The following KLRG1 variants were observed in gnomAD, a reference collection of about 807,000 sequenced individuals.
The protein encoded by KLRG1 is killer cell lectin like receptor G1.
KLRG1 carries 16 observed loss-of-function variants against 21.8 expected under a neutral mutation model. That is an observed-to-expected ratio of 0.73 (90% CI 0.50 to 1.11). KLRG1 has a LOEUF of 1.11. Among genes scored for constraint, KLRG1 ranks in the 50% most tolerant of loss-of-function variants. KLRG1 has a pLI of 0.00. For synonymous variants in KLRG1, 69 were observed against 75.9 expected, an observed-to-expected ratio of 0.91 and a Z score of 0.47; for missense variants, 173 against 218.3, an observed-to-expected ratio of 0.79 and a Z score of 1.31.
the KLRG1 span, among the ~76,000 whole-genome samples, chr12:9,209,458 G>T: frequency 3.3e-5 from 5 of 151,896 alleles, no homozygotes; most frequent in African/African-American, 1.2e-4. Flanking sequence ...CAAATATAGA[G>T]AGCAAGATAA....
intron 1 of KLRG1, among the ~76,000 whole-genome samples, chr12:8,965,307 A>G (rs1054194281): frequency 6.6e-6 from 1 of 152,160 alleles, no homozygotes; most frequent in Non-Finnish European, 1.5e-5. Flanking sequence ...CACCACTCCT[A>G]TTCAACATAG....
chr12:9,153,396 G>A, the KLRG1 span: 1 of 1,485,586 alleles, frequency 6.7e-7, no homozygotes, highest in South Asian at 1.2e-5. Context: ...TGGCATCTGG[G>A]ATTTTCCCCC....
the KLRG1 span, among the ~76,000 whole-genome samples, chr12:9,135,988 TA>T: frequency 6.6e-6 from 1 of 152,124 alleles, no homozygotes; most frequent in East Asian, 1.9e-4. Flanking sequence ...GGCAGCTCAA[TA>T]GGGGAGCTCA....
intron 3 of KLRG1, among the ~76,000 whole-genome samples, chr12:9,005,148 G>A (rs1947431047): frequency 6.7e-6 from 1 of 148,380 alleles, no homozygotes; most frequent in Admixed American, 6.9e-5. Flanking sequence ...AGTAGGAGTT[G>A]AACAATGAGA....
chr12:9,006,169 T>C (rs912461819), intron 3 of KLRG1, among the ~76,000 whole-genome samples: 4 of 152,256 alleles, frequency 2.6e-5, no homozygotes, highest in Admixed American at 6.5e-5. Context: ...ACACATTGCA[T>C]ACATGTTACG....
At chr12:9,107,704 C>T in the KLRG1 span, 1 of 1,585,958 alleles carries the variant, frequency 6.3e-7, no homozygotes, top group African/African-American at 1.4e-5. Flanking sequence ...CATTTTCTAG[C>T]TATTTATATC....
the KLRG1 span, among the ~76,000 whole-genome samples, chr12:9,142,581 T>G: frequency 6.6e-6 from 1 of 152,232 alleles, no homozygotes; most frequent in South Asian, 2.1e-4. Flanking sequence ...GCACTTATTT[T>G]TCTTAGGCCA....
chr12:8,968,967 A>G (rs1946524058), intron 1 of KLRG1, among the ~76,000 whole-genome samples: 1 of 152,256 alleles, frequency 6.6e-6, no homozygotes, highest in African/African-American at 2.4e-5. Context: ...GGAAATTCAT[A>G]GCATTAAAAT....
chr12:9,130,720 T>C, the KLRG1 span, among the ~76,000 whole-genome samples: 1 of 152,170 alleles, frequency 6.6e-6, no homozygotes, highest in Non-Finnish European at 1.5e-5. Context: ...ATATATTCTT[T>C]GTAAATTTTT....
the KLRG1 span, chr12:9,095,128 A>T: frequency 9.9e-7 from 1 of 1,012,680 alleles, no homozygotes; most frequent in Non-Finnish European, 1.4e-6. Context: ...TATATTATAA[A>T]ATATACATAG....
intron 1 of KLRG1, among the ~76,000 whole-genome samples, chr12:8,980,002 G>A (rs1592253392): frequency 6.6e-6 from 1 of 152,256 alleles, no homozygotes; most frequent in African/African-American, 2.4e-5. Context: ...CCAGGTTTAA[G>A]TGATTGTCCT....
At chr12:9,096,050 C>T in the KLRG1 span, among the ~76,000 whole-genome samples, 1 of 152,076 alleles carries the variant, frequency 6.6e-6, no homozygotes, top group South Asian at 2.1e-4. Context: ...TGAGCCACCG[C>T]GCCCGGCCTT....
chr12:9,101,544 T>C, the KLRG1 span: 3 of 1,613,704 alleles, frequency 1.9e-6, no homozygotes, highest in Non-Finnish European at 2.5e-6. Flanking sequence ...GGGTAGTTCA[T>C]GAGACATGGG....
intron 3 of KLRG1, chr12:8,996,703 C>G (rs1027054671): frequency 6.6e-6 from 1 of 152,036 alleles, no homozygotes; most frequent in Admixed American, 6.5e-5. Context: ...AAAGCCTTCT[C>G]TAAGTGAGGT....
intron 1 of KLRG1, among the ~76,000 whole-genome samples, chr12:8,960,044 A>C (rs1007341929): frequency 1.3e-5 from 2 of 152,220 alleles, no homozygotes; most frequent in African/African-American, 2.4e-5. Flanking sequence ...TCTATCTTAA[A>C]CAACTGGCAA....
intron 1 of KLRG1, among the ~76,000 whole-genome samples, chr12:8,975,390 T>A (rs1236018780): frequency 6.6e-6 from 1 of 152,198 alleles, no homozygotes; most frequent in East Asian, 1.9e-4. Context: ...TCAGTTTCAG[T>A]TGGCTTTATG....
the KLRG1 span, among the ~76,000 whole-genome samples, chr12:9,063,394 G>A: frequency 6.6e-6 from 1 of 152,278 alleles, no homozygotes; most frequent in African/African-American, 2.4e-5. Context: ...GAGAATAGCA[G>A]TGTATCATAT....
chr12:8,993,018 T>C (rs1286539747), intron 2 of KLRG1, among the ~76,000 whole-genome samples: 1 of 152,042 alleles, frequency 6.6e-6, no homozygotes, highest in Non-Finnish European at 1.5e-5. Flanking sequence ...GATTGAATTA[T>C]AATATTAATG....
rs1017081888 is a variant in KLRG1, at chr12:9,003,308, G to A, written c.358-5667G>A. ...TTCTCATTATCAGTGGAGAAATGGG[G>A]AATCACTCTTTTTTTCCTTTTGTTA... On this transcript the variant is annotated intron_variant, in intron 3 of 4. Transcript: ENST00000356986. Among the ~76,000 whole-genome samples, 5 of 151,952 alleles carry A rather than the reference G, an allele frequency of 3.3e-5. No individual in the cohort carries two copies. The East Asian group carries it at 9.6e-4, about 29-fold the overall frequency.
Sources: gnomAD v4.1 joint callset for allele counts (sites outside exome capture counted in the v4.1 genomes callset) on GRCh38, gnomAD v4.1.1 for gene constraint, MANE v1.5 for transcripts, NCBI Gene and HGNC (gene_info 2026-07-23, HGNC 2026-07-21) for gene names.